Variants in MAST1 observed in about 807,000 individuals in gnomAD.
MAST1 encodes the protein microtubule-associated serine/threonine-protein kinase 1.
In MAST1, 40 loss-of-function variants were observed where a neutral mutation model predicts 124.6. That is an observed-to-expected ratio of 0.32 (90% CI 0.25 to 0.42). The LOEUF (loss-of-function observed/expected upper bound fraction) is 0.42, where lower values mean the gene tolerates loss of function less well. MAST1 is among the 10% of genes least tolerant of loss of function. The pLI is 1.00. For missense variants in MAST1, 1,558 were observed against 2,181.9 expected (o/e 0.71, Z 5.70); for synonymous variants, 938 against 939.4 (o/e 1.00, Z 0.03).
In MAST1 at chr19:12,874,553, C is replaced by T. The variant is rs1329188626; in HGVS notation, c.4396C>T (p.Leu1466=). ...CAAGGGGTTGCAGGAACCCGCACCC[C>T]TGGCGCCTTCCGTGCCCGAGGCCCC... ...DSKGLQEPAP[L]APSVPEAPRG... is the part of the protein sequence containing the mutation. The change falls in exon 26 of 26, where the codon CTG becomes TTG. Residue 1466 remains leucine (L), a synonymous_variant. Coordinates refer to ENST00000251472, the MANE Select transcript of MAST1 (RefSeq NM_014975.3). The surrounding 1 kb of genome is among the most constrained non-coding windows in gnomAD (Gnocchi z 6.6). The T allele has an allele frequency of 2.0e-6, 3 of 1,511,388 alleles. No homozygotes were observed. The highest frequency in any genetic ancestry group is 2.8e-5 in the African/African-American group (2 of 71,914). 93.6% of individuals were successfully genotyped at this position (1,511,388 alleles called of 1,614,324 possible).
Position 12,865,747 on chromosome 19 carries a change from C to T in MAST1, c.1835C>T (p.Ala612Val), listed in dbSNP as rs1478653517. 4 of 1,613,586 alleles carry T rather than the reference C, an allele frequency of 2.5e-6. No individual in the cohort carries two copies. Among genetic ancestry groups the T allele is most frequent in the Non-Finnish European group, 3.4e-6 (4 of 1,179,780 alleles). ...ATCCTGTGGCCCGAGGGGGATGAGG[C>T]CCTACCTACGGAGGCCCAACTCCTC... ...DDILWPEGDE[A>V]LPTEAQLLIS... Residue 612 changes from alanine (A) to valine (V), a missense_variant, in exon 16 of 26, where the codon GCC (alanine) becomes GTC (valine). Ala to Val is a moderately conservative substitution (Grantham distance 64, BLOSUM62 0). Around this residue, in one of 10 missense-constraint regions of MAST1, gnomAD observed 145 missense variants for 350.0 expected, o/e 0.41. Coordinates refer to ENST00000251472, the MANE Select transcript of MAST1 (RefSeq NM_014975.3). This position sits in a 1 kb window ranked among gnomAD's most constrained non-coding sequence, Gnocchi z 7.1.
At position 12,848,264 on chromosome 19, in the gene MAST1, T is replaced by G. The variant is rs114308861; in HGVS notation, c.774+207T>G. 1,356 of 579,056 alleles carry G rather than the reference T, an allele frequency of 2.3e-3. 15 individuals carry two copies. The highest frequency in any genetic ancestry group is 0.023 in the African/African-American group (1,226 of 53,300). The allele number at this position is 579,056 out of a possible 1,614,324, so 35.9% of individuals were successfully genotyped here. ...AGGAATTTCACCTCGCTCATTTCCC[T>G]TAGGTCTTTACTCAAATGTCACCTT... On this transcript the variant is annotated intron_variant, in intron 7 of 25. Transcript: ENST00000251472.
Position 12,873,655 on chromosome 19 carries a change from G to A in MAST1, c.3498G>A (p.Ser1166=). The A allele has an allele frequency of 6.3e-7, 1 of 1,596,868 alleles. No individual in the cohort carries two copies. The highest frequency in any genetic ancestry group is 8.5e-7 in the Non-Finnish European group (1 of 1,175,596). ...SSSPASSTPN[S]PASSASHHIR... is the part of the protein sequence containing the mutation. ...CCCCAGCCTCGAGCACGCCCAACTC[G>A]CCTGCGTCGTCGGCGTCGCACCACA... The change falls in exon 26 of 26, where the codon TCG becomes TCA. Residue 1166 remains serine, a synonymous_variant. Coordinates refer to ENST00000251472, the MANE Select transcript of MAST1 (RefSeq NM_014975.3).
Position 12,847,634 on chromosome 19 carries a change from T to A in MAST1, c.511T>A (p.Tyr171Asn). The stretch of plus-strand genomic sequence containing the variant: ...CAGCCCCGGGCGCTCCCCCTCCTCC[T>A]ACGACAACGAGATCGTGATGATGAA... ...SLSPGRSPSS[Y>N]DNEIVMMNHV... Residue 171 changes from tyrosine to asparagine, a missense_variant, in exon 6 of 26, where the codon TAC becomes AAC. Tyr to Asn is a moderately radical substitution (Grantham distance 143, BLOSUM62 -2). Transcript: ENST00000251472. This position sits in a 1 kb window ranked among gnomAD's most constrained non-coding sequence, Gnocchi z 5.5. 6.2e-7 allele frequency: 1 copy of A among 1,614,000 alleles called. No homozygotes were observed. Among genetic ancestry groups the A allele is most frequent in the African/African-American group, 1.3e-5 (1 of 74,998 alleles).
chr19:12,864,786 C>T (rs575026508), intron 12 of MAST1, 23 bp from the exon 13 acceptor site: 10 of 1,612,588 alleles, frequency 6.2e-6, no homozygotes, highest in Non-Finnish European at 8.5e-6. Context: ...CCTTTTTATG[C>T]GGGCCCATTT....
At chr19:12,868,554 A>C in intron 20 of MAST1, 89 bp from the exon 21 acceptor site, 4 of 1,195,722 alleles carry the variant, frequency 3.3e-6, no homozygotes, top group Non-Finnish European at 4.7e-6. Context: ...CAAGGGTAAA[A>C]AGTGGAAAGA....
At chr19:12,862,336 G>T (rs2145904862) in intron 12 of MAST1, among the ~76,000 whole-genome samples, 1 of 152,216 alleles carries the variant, frequency 6.6e-6, no homozygotes, top group African/African-American at 2.4e-5. Context: ...GCATTGTCCA[G>T]GCTGGAGTGC....
chr19:12,866,844 G>A lies in MAST1; in HGVS notation c.2139+82G>A. 1 of 1,182,394 alleles carries A rather than the reference G, an allele frequency of 8.5e-7. No individual in the cohort carries two copies. The highest frequency in any genetic ancestry group is 1.2e-6 in the Non-Finnish European group (1 of 813,904). The allele number at this position is 1,182,394 out of a possible 1,614,324, so 73.2% of individuals were successfully genotyped here. Reference sequence around the variant, plus strand: ...GAGACAGTGAGAAACAGGTTCCCTGGTGCCCAAGGTCTCAGGAGCGGGAAG... The same window carrying A: ...GAGACAGTGAGAAACAGGTTCCCTGATGCCCAAGGTCTCAGGAGCGGGAAG... On this transcript the variant is annotated intron_variant, in intron 18 of 25. Transcript: ENST00000251472. This position sits in a 1 kb window ranked among gnomAD's most constrained non-coding sequence, Gnocchi z 5.2.
intron 12 of MAST1, 99 bp from the exon 13 acceptor site, chr19:12,864,710 T>C: frequency 6.7e-7 from 1 of 1,498,668 alleles, no homozygotes; most frequent in South Asian, 1.2e-5. Context: ...CCCTTATCTA[T>C]AAAACGGGTA....
chr19:12,864,393 C>CAAA (rs35351874), intron 12 of MAST1, among the ~76,000 whole-genome samples: 11 of 118,464 alleles, frequency 9.3e-5, no homozygotes, highest in Admixed American at 2.7e-4. Context: ...GACCCTGTCT[C>CAAA]AAAAAAAAAA....
At position 12,847,060 on chromosome 19, in the gene MAST1, A is replaced by C. The variant is rs1969902369; in HGVS notation, c.328-230A>C. Among the ~76,000 whole-genome samples, 1 of 152,076 alleles carries C rather than the reference A, an allele frequency of 6.6e-6. No individual in the cohort carries two copies. The highest frequency in any genetic ancestry group is 2.4e-5 in the African/African-American group (1 of 41,396). On this transcript the variant is annotated intron_variant, in intron 4 of 25. Transcript: ENST00000251472. The surrounding 1 kb of genome is among the most constrained non-coding windows in gnomAD (Gnocchi z 5.5). ...CAAGGGTTCTGAACAGAGGAGGCTC[A>C]TGACTTGACCCAAGCTTTAACAGAC...
chr19:12,873,689 A>T lies in MAST1; in HGVS notation c.3532A>T (p.Ser1178Cys), dbSNP rs1315139047. The T allele has an allele frequency of 1.9e-6, 3 of 1,601,596 alleles. No individual in the cohort carries two copies. Among genetic ancestry groups the T allele is most frequent in the African/African-American group, 2.7e-5 (2 of 74,896 alleles). Residue 1178 changes from serine to cysteine, a missense_variant, in exon 26 of 26, where the codon AGC becomes TGC. By Grantham distance (112) the Ser-to-Cys change is moderately radical. Around this residue, in one of 10 missense-constraint regions of MAST1, gnomAD observed 291 missense variants for 475.8 expected, o/e 0.61. Coordinates refer to ENST00000251472, the MANE Select transcript of MAST1 (RefSeq NM_014975.3). Reference protein sequence around the residue: ...ASSASHHIRPSTLHGLSPKLH... With the variant: ...ASSASHHIRPCTLHGLSPKLH... ...GTCGGCGTCGCACCACATTCGGCCC[A>T]GCACGCTGCACGGACTGTCGCCAAA...
In MAST1 at chr19:12,874,290, G is replaced by A; in HGVS notation, c.4133G>A (p.Gly1378Asp). ...ACCCCACCCCGCGCGACGACCCCCGGTGGCCGGACCCTGGAGCGGGACGTC... is the reference window on the plus strand; with the variant it reads ...ACCCCACCCCGCGCGACGACCCCCGATGGCCGGACCCTGGAGCGGGACGTC... ...ACTPPRATTPGGRTLERDVGC... is the reference protein window; with the variant it reads ...ACTPPRATTPDGRTLERDVGC... Residue 1378 changes from glycine to aspartate, a missense_variant, in exon 26 of 26, where the codon GGT becomes GAT. Gly to Asp is a moderately conservative substitution (Grantham distance 94, BLOSUM62 -1). This residue lies in a region of MAST1 where 263 missense variants were observed against 310.9 expected (regional missense o/e 0.85). Coordinates refer to ENST00000251472, the MANE Select transcript of MAST1 (RefSeq NM_014975.3). This position sits in a 1 kb window ranked among gnomAD's most constrained non-coding sequence, Gnocchi z 6.6. The A allele has an allele frequency of 1.3e-6, 2 of 1,592,268 alleles. No individual in the cohort carries two copies. The highest frequency in any genetic ancestry group is 1.7e-6 in the Non-Finnish European group (2 of 1,175,406).
At position 12,867,521 on chromosome 19, in the gene MAST1, A is replaced by C; in HGVS notation, c.2187A>C (p.Pro729=). 1.9e-6 allele frequency: 3 copies of C among 1,613,846 alleles called. No homozygotes were observed. The highest frequency in any genetic ancestry group is 2.5e-6 in the Non-Finnish European group (3 of 1,179,994). ...EQLSQHEPKT[P]VAAAGSSKRE... Reference sequence around the variant, plus strand: ...TGTCGCAGCACGAGCCCAAGACCCCAGTAGCAGCTGCAGGGAGCAGCAAGC... The same window carrying C: ...TGTCGCAGCACGAGCCCAAGACCCCCGTAGCAGCTGCAGGGAGCAGCAAGC... The change falls in exon 19 of 26, where the codon CCA becomes CCC. Residue 729 remains proline (P), a synonymous_variant. Transcript: ENST00000251472.
chr19:12,854,543 T>G (rs1292414573), intron 10 of MAST1, among the ~76,000 whole-genome samples: 1 of 152,206 alleles, frequency 6.6e-6, no homozygotes, highest in East Asian at 1.9e-4. Flanking sequence ...ACTGCTTCAT[T>G]CATTTTTATA....
rs771702814 is a variant in MAST1, at chr19:12,852,156, C to T, written c.918C>T (p.Ala306=). The change falls in exon 9 of 26, where the codon GCC becomes GCT. Residue 306 remains alanine, a synonymous_variant. Transcript: ENST00000251472. ...PEEFYHLLEA[A]EGHAKEGHLV... The stretch of plus-strand genomic sequence containing the variant: ...AGTTCTACCACCTGCTGGAGGCGGC[C>T]GAAGGACACGCCAAGGAGGGCCACC... 5.6e-6 allele frequency: 9 copies of T among 1,613,818 alleles called. No individual in the cohort carries two copies. Among genetic ancestry groups the T allele is most frequent in the African/African-American group, 1.3e-5 (1 of 74,930 alleles).
At chr19:12,850,841 G>T (rs1969950792) in intron 7 of MAST1, among the ~76,000 whole-genome samples, 1 of 151,976 alleles carries the variant, frequency 6.6e-6, no homozygotes. Context: ...TGGGATTATA[G>T]GCATGTACCA....
At position 12,871,185 on chromosome 19, in the gene MAST1, G is replaced by A. The variant is rs373333939; in HGVS notation, c.3263+13G>A. 165 of 1,613,712 alleles carry A rather than the reference G, an allele frequency of 1.0e-4. No individual in the cohort carries two copies. Among genetic ancestry groups the A allele is most frequent in the Non-Finnish European group, 1.3e-4 (156 of 1,179,924 alleles). On this transcript the variant is annotated intron_variant, in intron 24 of 25. Coordinates refer to ENST00000251472, the MANE Select transcript of MAST1 (RefSeq NM_014975.3). Reference sequence around the variant, plus strand: ...AGGGCCAGGAGAGGTGGGCACAGCCGTAAACAGCCTGGTCTTTGAGCAGTG... The same window carrying A: ...AGGGCCAGGAGAGGTGGGCACAGCCATAAACAGCCTGGTCTTTGAGCAGTG...
At position 12,866,675 on chromosome 19, in the gene MAST1, C is replaced by T; in HGVS notation, c.2052C>T (p.His684=). Residue 684 remains histidine, a synonymous_variant, in exon 18 of 26, where the codon CAC becomes CAT. Coordinates refer to ENST00000251472, the MANE Select transcript of MAST1 (RefSeq NM_014975.3). The surrounding 1 kb of genome is among the most constrained non-coding windows in gnomAD (Gnocchi z 5.2). ...CAGCCCGCTCAGACAGGTATCACCA[C>T]GTGAACTCCTATGACGAGGATGACA... The part of the protein sequence containing the change: ...YFDTRSDRYH[H]VNSYDEDDTT... The T allele has an allele frequency of 6.2e-7, 1 of 1,613,808 alleles. No homozygotes were observed. The highest frequency in any genetic ancestry group is 8.5e-7 in the Non-Finnish European group (1 of 1,179,874).
Sources: allele counts gnomAD v4.1 joint callset (sites outside exome capture counted in the v4.1 genomes callset), GRCh38; gene constraint gnomAD v4.1.1; regional missense constraint gnomAD v4.1.1; non-coding constraint Gnocchi (gnomAD v3.1); transcripts MANE v1.5; gene names NCBI Gene and HGNC (gene_info 2026-07-23, HGNC 2026-07-21).